Variants in NUDCD1 observed in about 807,000 individuals in gnomAD.
NUDCD1 encodes NudC domain containing 1.
A neutral mutation model predicts 67.8 loss-of-function variants in NUDCD1; 60 were observed. The observed-to-expected ratio is 0.88, with a 90% CI of 0.72 to 1.10. NUDCD1 has a LOEUF of 1.10. NUDCD1 is among the 50% of genes least tolerant of loss of function. The pLI, the probability that NUDCD1 is intolerant of heterozygous loss-of-function variation, is 0.00. For missense variants in NUDCD1, 643 were observed against 695.0 expected, an observed-to-expected ratio of 0.93 and a Z score of 0.84; for synonymous variants, 244 against 230.8, an observed-to-expected ratio of 1.06 and a Z score of -0.52.
chr8:109,280,284 T>C (rs890730948), intron 6 of NUDCD1, among the ~76,000 whole-genome samples: 1 of 152,164 alleles, frequency 6.6e-6, no homozygotes, highest in Non-Finnish European at 1.5e-5. Flanking sequence ...AAAAGCAAGA[T>C]GTATAATTGT....
intron 4 of NUDCD1, among the ~76,000 whole-genome samples, chr8:109,292,139 G>C (rs1814725259): frequency 6.6e-6 from 1 of 151,902 alleles, no homozygotes; most frequent in South Asian, 2.1e-4. Context: ...AAATTCCTAT[G>C]TCCATAAAGT....
chr8:109,270,082 G>GGGGGGGGGGGGGGGGGGGGGGGA (rs1814106980), intron 8 of NUDCD1, among the ~76,000 whole-genome samples: 1 of 38,444 alleles, frequency 2.6e-5, no homozygotes, highest in Non-Finnish European at 4.6e-5. Context: ...GGGGGGGGGG[G>GGGGGGGGGGGGGGGGGGGGGGGA]TGCCTTAAGG....
chr8:109,242,362 T>C lies in NUDCD1; in HGVS notation c.*647A>G. 2.6e-6 allele frequency: 1 copy of C among 380,454 alleles called. No individual in the cohort carries two copies. The highest frequency in any genetic ancestry group is 3.7e-5 in the East Asian group (1 of 26,692). 23.6% of individuals were successfully genotyped at this position (380,454 alleles called of 1,614,324 possible). On this transcript the variant is annotated 3_prime_UTR_variant, in exon 10 of 10. Transcript: ENST00000239690. Reference sequence around the variant, plus strand: ...AATCGTGAAAAATAATAAAAGTCCTTGTTTTAAACCACTGAGTTTTGGTGT... The same window carrying C: ...AATCGTGAAAAATAATAAAAGTCCTCGTTTTAAACCACTGAGTTTTGGTGT...
chr8:109,295,950 T>C (rs1028539237), intron 3 of NUDCD1, among the ~76,000 whole-genome samples: 1 of 152,152 alleles, frequency 6.6e-6, no homozygotes, highest in African/African-American at 2.4e-5. Context: ...TATATTTATA[T>C]CATGTATTTT....
intron 8 of NUDCD1, among the ~76,000 whole-genome samples, chr8:109,247,307 T>C (rs2980591): frequency 0.64 from 96,754 of 151,990 alleles, 32,225 homozygotes; most frequent in African/African-American, 0.84. Context: ...TTCACAACAA[T>C]ACATCTACTT....
chr8:109,258,295 C>T (rs1258962636), intron 8 of NUDCD1, among the ~76,000 whole-genome samples: 1 of 152,120 alleles, frequency 6.6e-6, no homozygotes, highest in Non-Finnish European at 1.5e-5. Context: ...TCCCACTGCA[C>T]TGCTATGTCA....
At chr8:109,329,969 G>C (rs1815768972) in intron 1 of NUDCD1, 10 of 1,315,086 alleles carry the variant, frequency 7.6e-6, no homozygotes, top group Non-Finnish European at 9.8e-6. Context: ...AGATTCTATA[G>C]TGTAGATTCT....
chr8:109,331,515 C>CAAAAAAAAAAAAAAAAA (rs59203626), intron 1 of NUDCD1, among the ~76,000 whole-genome samples: 1 of 65,888 alleles, frequency 1.5e-5, no homozygotes. Flanking sequence ...GACTCAGACT[C>CAAAAAAAAAAAAAAAAA]AAAAAAAAAA....
At chr8:109,321,201 G>C (rs1011546863) in intron 2 of NUDCD1, among the ~76,000 whole-genome samples, 1 of 152,146 alleles carries the variant, frequency 6.6e-6, no homozygotes, top group Non-Finnish European at 1.5e-5. Flanking sequence ...AAGGAATAGA[G>C]TACTTAGGAA....
At chr8:109,307,954 G>T (rs1024817474) in intron 2 of NUDCD1, among the ~76,000 whole-genome samples, 3 of 152,036 alleles carry the variant, frequency 2.0e-5, no homozygotes, top group African/African-American at 7.2e-5. Context: ...ACCTAACACT[G>T]GAGCTCCAAA....
chr8:109,291,105 C>T (rs560280144), intron 4 of NUDCD1, among the ~76,000 whole-genome samples: 73 of 152,220 alleles, frequency 4.8e-4, no homozygotes, highest in African/African-American at 1.6e-3. Context: ...CCTCAAAAAC[C>T]GGATTCCGTG....
intron 6 of NUDCD1, among the ~76,000 whole-genome samples, chr8:109,280,136 T>C (rs189553559): frequency 1.3e-5 from 2 of 152,006 alleles, no homozygotes; most frequent in Non-Finnish European, 2.9e-5. Flanking sequence ...CAACCTAAAT[T>C]AACACAATAG....
chr8:109,245,560 C>T, intron 8 of NUDCD1, 79 bp from the exon 9 acceptor site: 2 of 1,111,554 alleles, frequency 1.8e-6, no homozygotes, highest in Non-Finnish European at 2.6e-6. Flanking sequence ...AGCTGACAGC[C>T]AGCATTAAGT....
Position 109,242,948 on chromosome 8 carries a change from C to A in NUDCD1, c.*61G>T. 2 of 1,099,118 alleles carry A rather than the reference C, an allele frequency of 1.8e-6. No homozygotes were observed. The highest frequency in any genetic ancestry group is 2.7e-6 in the Non-Finnish European group (2 of 742,624). 68.1% of individuals were successfully genotyped at this position (1,099,118 alleles called of 1,614,324 possible). ...ACTTAAGAGGTTACAGTATAACTGTCCAGACCTCCAGGTACCACTGAATAC... is the reference window on the plus strand; with the variant it reads ...ACTTAAGAGGTTACAGTATAACTGTACAGACCTCCAGGTACCACTGAATAC... On this transcript the variant is annotated 3_prime_UTR_variant, in exon 10 of 10. Coordinates refer to ENST00000239690, the MANE Select transcript of NUDCD1 (RefSeq NM_032869.4).
intron 9 of NUDCD1, among the ~76,000 whole-genome samples, chr8:109,244,107 T>A (rs1314310448): frequency 6.6e-6 from 1 of 151,806 alleles, no homozygotes; most frequent in African/African-American, 2.4e-5. Context: ...TTAATTAAAA[T>A]TGAGATCTCA....
At chr8:109,299,156 G>A (rs1007821262) in intron 2 of NUDCD1, among the ~76,000 whole-genome samples, 5 of 152,170 alleles carry the variant, frequency 3.3e-5, no homozygotes, top group African/African-American at 9.7e-5. Flanking sequence ...GGGGTCCTTC[G>A]GGAGGGCAGC....
intron 6 of NUDCD1, among the ~76,000 whole-genome samples, chr8:109,278,341 T>TG (rs909412346): frequency 1.3e-5 from 2 of 152,212 alleles, no homozygotes; most frequent in African/African-American, 2.4e-5. Context: ...GGCACAGTTG[T>TG]GGGGGGCAAA....
intron 2 of NUDCD1, among the ~76,000 whole-genome samples, chr8:109,304,358 T>C (rs1430691019): frequency 6.6e-6 from 1 of 152,188 alleles, no homozygotes; most frequent in African/African-American, 2.4e-5. Context: ...ATTTCCTTCT[T>C]TCCTGTCCCT....
intron 2 of NUDCD1, chr8:109,313,957 A>G (rs373680722): frequency 1.9e-5 from 8 of 412,666 alleles, no homozygotes; most frequent in African/African-American, 1.7e-4. Context: ...ACTTGCATTA[A>G]TGACAGTTAA....
Sources: gnomAD v4.1 joint callset for allele counts (sites outside exome capture counted in the v4.1 genomes callset) on GRCh38, gnomAD v4.1.1 for gene constraint, MANE v1.5 for transcripts, NCBI Gene and HGNC (gene_info 2026-07-23, HGNC 2026-07-21) for gene names.